CEP57L1: variants seen among roughly 807,000 people sequenced by gnomAD.
CEP57L1 encodes centrosomal protein 57 like 1, also known as centrosomal protein CEP57L1.
Under a neutral mutation model 61.0 loss-of-function variants are expected in CEP57L1, and 37 were observed. That is an observed-to-expected ratio of 0.61 (90% CI 0.47 to 0.80). The LOEUF is 0.80. Among genes scored for constraint, CEP57L1 ranks in the 30% least tolerant of loss-of-function variants. The probability of loss-of-function intolerance (pLI) is 0.00; values close to 1 mark genes in which losing one functional copy is unlikely to be tolerated. For synonymous variants in CEP57L1, 137 were observed against 162.3 expected (o/e 0.84, Z 1.19); for missense variants, 422 against 524.7 (o/e 0.80, Z 1.91).
At chr6:109,112,970 G>A (rs1024723917) in intron 1 of CEP57L1, among the ~76,000 whole-genome samples, 1 of 152,120 alleles carries the variant, frequency 6.6e-6, no homozygotes, top group East Asian at 1.9e-4. Context: ...GTGGTGCTGA[G>A]AGGAATGTAT....
chr6:109,149,815 T>C (rs1772397991), intron 3 of CEP57L1, among the ~76,000 whole-genome samples: 1 of 152,244 alleles, frequency 6.6e-6, no homozygotes, highest in African/African-American at 2.4e-5. Flanking sequence ...TTTGTAGTTC[T>C]CCTTGAAGAG....
At chr6:109,142,585 T>G (rs535978612) in intron 1 of CEP57L1, among the ~76,000 whole-genome samples, 1 of 151,044 alleles carries the variant, frequency 6.6e-6, no homozygotes, top group Admixed American at 6.6e-5. Flanking sequence ...TGTTTGTTGT[T>G]AGAATAAATA....
intron 1 of CEP57L1, among the ~76,000 whole-genome samples, chr6:109,107,549 G>C (rs995414270): frequency 1.3e-5 from 2 of 152,070 alleles, no homozygotes; most frequent in African/African-American, 4.8e-5. Context: ...GTCTAAATAA[G>C]AGCATTAAGG....
At position 109,167,659 on chromosome 6, in the gene CEP57L1, A is replaced by T. The variant is rs1774194251; in HGVS notation, c.*4689A>T. Among the ~76,000 whole-genome samples, 1 of 151,904 alleles carries T rather than the reference A, an allele frequency of 6.6e-6. No homozygotes were observed. The highest frequency in any genetic ancestry group is 1.9e-4 in the East Asian group (1 of 5,182). On this transcript the variant is annotated 3_prime_UTR_variant, in exon 11 of 11. Coordinates refer to ENST00000517392, the MANE Select transcript of CEP57L1 (RefSeq NM_001271852.3). ...GCCACTGCACTCCAGCCTGGGCAAC[A>T]GAGCAAGACTCTGCCTCAAAGCAAA... is the stretch of plus-strand genomic sequence containing the variant.
At chr6:109,120,937 C>G (rs1409218881) in intron 1 of CEP57L1, among the ~76,000 whole-genome samples, 1 of 108,892 alleles carries the variant, frequency 9.2e-6, no homozygotes, top group Admixed American at 9.5e-5. Context: ...CACACACACA[C>G]ACACACACAC....
In CEP57L1 at chr6:109,173,556, C is replaced by G. The variant is rs1161185595; in HGVS notation, c.*10586C>G. On this transcript the variant is annotated 3_prime_UTR_variant, in exon 11 of 11. Transcript: ENST00000517392. Reference sequence around the variant, plus strand: ...CCTCCTGCCTCTGCCTCCCAAGTAGCTGGGACTACAGGTGCATGCCACCAC... The same window carrying G: ...CCTCCTGCCTCTGCCTCCCAAGTAGGTGGGACTACAGGTGCATGCCACCAC... Among the ~76,000 whole-genome samples the G allele has an allele frequency of 6.7e-6, 1 of 149,116 alleles. No individual in the cohort carries two copies. The highest frequency in any genetic ancestry group is 2.5e-5 in the African/African-American group (1 of 40,448).
At chr6:109,146,196 T>C (rs147383820) in intron 2 of CEP57L1, among the ~76,000 whole-genome samples, 3 of 152,052 alleles carry the variant, frequency 2.0e-5, no homozygotes, top group East Asian at 3.9e-4. Flanking sequence ...TAGTTGAATA[T>C]AAGTCACAGT....
chr6:109,138,967 T>C (rs984174287), intron 1 of CEP57L1, among the ~76,000 whole-genome samples: 1 of 152,232 alleles, frequency 6.6e-6, no homozygotes, highest in Non-Finnish European at 1.5e-5. Context: ...TCTTTTCTTA[T>C]GAAGTCATGA....
intron 1 of CEP57L1, among the ~76,000 whole-genome samples, chr6:109,135,685 C>G (rs1419137618): frequency 1.3e-5 from 2 of 152,020 alleles, no homozygotes; most frequent in Non-Finnish European, 2.9e-5. Flanking sequence ...GGCTAATATC[C>G]AGAATCTACA....
intron 1 of CEP57L1, among the ~76,000 whole-genome samples, chr6:109,131,829 G>A (rs1390165304): frequency 6.6e-6 from 1 of 152,022 alleles, no homozygotes; most frequent in African/African-American, 2.4e-5. Flanking sequence ...ATACCTTATG[G>A]CTCAGAACCT....
chr6:109,143,305 G>A (rs960795936), intron 1 of CEP57L1, among the ~76,000 whole-genome samples: 3 of 152,076 alleles, frequency 2.0e-5, no homozygotes, highest in African/African-American at 7.2e-5. Context: ...CAAGCCTTTT[G>A]TAGTTACTTC....
At position 109,167,735 on chromosome 6, in the gene CEP57L1, G is replaced by C. The variant is rs143221827; in HGVS notation, c.*4765G>C. ...GGAATAGCCCAGTATTGTTTGTTTGGGGAGGGGCAGGGTGTGGTTCCACCA... is the reference window on the plus strand; with the variant it reads ...GGAATAGCCCAGTATTGTTTGTTTGCGGAGGGGCAGGGTGTGGTTCCACCA... On this transcript the variant is annotated 3_prime_UTR_variant, in exon 11 of 11. Coordinates refer to ENST00000517392, the MANE Select transcript of CEP57L1 (RefSeq NM_001271852.3). 6.6e-6 allele frequency among the ~76,000 whole-genome samples: 1 copy of C among 152,126 alleles called. No homozygotes were observed. Among genetic ancestry groups the C allele is most frequent in the Non-Finnish European group, 1.5e-5 (1 of 68,008 alleles).
chr6:109,104,041 T>G (rs765557649), intron 1 of CEP57L1, among the ~76,000 whole-genome samples: 3 of 138,548 alleles, frequency 2.2e-5, no homozygotes, highest in South Asian at 2.2e-4. Flanking sequence ...TTAGTTTTTG[T>G]TTTTTTTTTT....
rs1198357097 is a variant in CEP57L1, at chr6:109,155,852, C to G, written c.719C>G (p.Ser240Cys). The G allele has an allele frequency of 1.3e-6, 2 of 1,583,772 alleles. No individual in the cohort carries two copies. Among genetic ancestry groups the G allele is most frequent in the Admixed American group, 1.7e-5 (1 of 58,276 alleles). ...IMSSVSNLKH[S>C]KEKKKSSKKT... is the part of the protein sequence containing the mutation. Reference sequence around the variant, plus strand: ...TCTTCAGTTTCAAATCTAAAGCACTCCAAGGAAAAGAAGAAATCTTCAAAG... The same window carrying G: ...TCTTCAGTTTCAAATCTAAAGCACTGCAAGGAAAAGAAGAAATCTTCAAAG... Residue 240 changes from serine to cysteine, a missense_variant, in exon 7 of 11, where the codon TCC (serine) becomes TGC (cysteine). Transcript: ENST00000517392.
At chr6:109,124,217 G>T (rs1029815226) in intron 1 of CEP57L1, among the ~76,000 whole-genome samples, 1 of 152,122 alleles carries the variant, frequency 6.6e-6, no homozygotes, top group Non-Finnish European at 1.5e-5. Flanking sequence ...ATGTGATCTT[G>T]CTACTCCTCT....
Position 109,165,058 on chromosome 6 carries a change from C to A in CEP57L1, c.*2088C>A, listed in dbSNP as rs188640728. Among the ~76,000 whole-genome samples the A allele has an allele frequency of 0.01, 1,504 of 145,668 alleles. 13 individuals are homozygous for A. The highest frequency in any genetic ancestry group is 0.016 in the Non-Finnish European group (1,072 of 66,906). On this transcript the variant is annotated 3_prime_UTR_variant, in exon 11 of 11. Transcript: ENST00000517392. ...TCACCACTGTACTCCAGCCTGGTGACACAGCAAGACTCTGTCTCAAAAAAA... is the reference window on the plus strand; with the variant it reads ...TCACCACTGTACTCCAGCCTGGTGAAACAGCAAGACTCTGTCTCAAAAAAA...
rs1774156855 is a variant in CEP57L1 at position 109,167,097 on chromosome 6, A to G, written c.*4127A>G. On this transcript the variant is annotated 3_prime_UTR_variant, in exon 11 of 11. Transcript: ENST00000517392. ...ATAATATTGACTGTCACTCATCTGA[A>G]AATAAATTTACTTCTTGGTAATTAA... is the stretch of plus-strand genomic sequence containing the variant. Among the ~76,000 whole-genome samples the G allele has an allele frequency of 6.6e-6, 1 of 152,224 alleles. No individual in the cohort carries two copies. The highest frequency in any genetic ancestry group is 1.5e-5 in the Non-Finnish European group (1 of 68,042).
chr6:109,113,626 A>G (rs375280636), intron 1 of CEP57L1, among the ~76,000 whole-genome samples: 1 of 152,192 alleles, frequency 6.6e-6, no homozygotes, highest in African/African-American at 2.4e-5. Flanking sequence ...TATTTTATGT[A>G]TCACAAAGAA....
intron 1 of CEP57L1, among the ~76,000 whole-genome samples, chr6:109,136,316 C>CA (rs1241802387): frequency 2.6e-5 from 4 of 151,974 alleles, no homozygotes; most frequent in Non-Finnish European, 5.9e-5. Context: ...ATCGCAAGGA[C>CA]AAAAAACCAA....
Sources: allele counts gnomAD v4.1 joint callset (sites outside exome capture counted in the v4.1 genomes callset), GRCh38; gene constraint gnomAD v4.1.1; transcripts MANE v1.5; gene names NCBI Gene and HGNC (gene_info 2026-07-23, HGNC 2026-07-21).